The following CAAP1 variants were observed in gnomAD, a reference collection of about 807,000 sequenced individuals.
CAAP1 encodes caspase activity and apoptosis inhibitor 1.
CAAP1 carries 20 observed loss-of-function variants against 34.0 expected under a neutral mutation model. That is an observed-to-expected ratio of 0.59 (90% CI 0.41 to 0.86). CAAP1 has a LOEUF of 0.86. CAAP1 is among the 40% of genes least tolerant of loss of function. The pLI is 0.00. For synonymous variants in CAAP1, 213 were observed against 166.7 expected, an observed-to-expected ratio of 1.28 and a Z score of -2.14; for missense variants, 538 against 450.5, an observed-to-expected ratio of 1.19 and a Z score of -1.76.
intron 5 of CAAP1, among the ~76,000 whole-genome samples, chr9:26,849,962 G>A (rs904375963): frequency 8.6e-5 from 13 of 151,214 alleles, no homozygotes; most frequent in East Asian, 2.0e-4. Context: ...CCTCAGCCTC[G>A]CGAGTAGCTG....
intron 4 of CAAP1, chr9:26,869,841 A>T: frequency 2.4e-6 from 1 of 422,716 alleles, no homozygotes; most frequent in Non-Finnish European, 3.2e-6. Flanking sequence ...ATGAACAATT[A>T]ATAAAACAAA....
At chr9:26,891,808 C>T (rs1823909476) in intron 1 of CAAP1, among the ~76,000 whole-genome samples, 2 of 152,292 alleles carry the variant, frequency 1.3e-5, no homozygotes, top group South Asian at 2.1e-4. Context: ...AGGGACTTGA[C>T]GCTTTCCCTT....
intron 4 of CAAP1, among the ~76,000 whole-genome samples, chr9:26,867,908 G>A (rs553799463): frequency 1.3e-5 from 2 of 152,236 alleles, no homozygotes; most frequent in South Asian, 4.1e-4. Flanking sequence ...AGACTTCCAA[G>A]GGTCCTTGAC....
At chr9:26,849,666 T>A (rs1196153101) in intron 5 of CAAP1, among the ~76,000 whole-genome samples, 1 of 151,620 alleles carries the variant, frequency 6.6e-6, no homozygotes, top group Non-Finnish European at 1.5e-5. Flanking sequence ...CATGCATACA[T>A]CAAAACTGTT....
rs758038866 is a variant in CAAP1 at position 26,842,287 on chromosome 9, A to T, written c.*14T>A. ...TGTTCAAACATACCTAAAATTCAAA[A>T]TCAAGTTAAATACCTAGGCTGGCTT... is the stretch of plus-strand genomic sequence containing the variant. On this transcript the variant is annotated 3_prime_UTR_variant, in exon 6 of 6. Transcript: ENST00000333916. 2 of 1,529,784 alleles carry T rather than the reference A, an allele frequency of 1.3e-6. No homozygotes were observed. Among genetic ancestry groups the T allele is most frequent in the Non-Finnish European group, 1.8e-6 (2 of 1,141,342 alleles). The allele number at this position is 1,529,784 out of a possible 1,614,324, so 94.8% of individuals were successfully genotyped here.
intron 5 of CAAP1, among the ~76,000 whole-genome samples, chr9:26,847,281 C>G (rs1473104983): frequency 8.1e-6 from 1 of 124,064 alleles, no homozygotes; most frequent in East Asian, 2.5e-4. Flanking sequence ...GTGGCGCGAT[C>G]TCGGCTCACT....
At chr9:26,872,412 C>T (rs902561610) in intron 4 of CAAP1, among the ~76,000 whole-genome samples, 2 of 152,098 alleles carry the variant, frequency 1.3e-5, no homozygotes, top group Non-Finnish European at 2.9e-5. Flanking sequence ...CTAATAACTA[C>T]ATGACACCAA....
intron 5 of CAAP1, among the ~76,000 whole-genome samples, chr9:26,850,898 T>C (rs972421810): frequency 6.6e-6 from 1 of 152,230 alleles, no homozygotes; most frequent in South Asian, 2.1e-4. Context: ...AAAATGCAAA[T>C]GATTCAGTAA....
chr9:26,845,272 C>T (rs1259140841), intron 5 of CAAP1, among the ~76,000 whole-genome samples: 1 of 152,222 alleles, frequency 6.6e-6, no homozygotes, highest in Non-Finnish European at 1.5e-5. Context: ...TTGAATTATA[C>T]TCAGTTCATG....
At chr9:26,876,555 G>A (rs970343228) in intron 4 of CAAP1, among the ~76,000 whole-genome samples, 15 of 150,282 alleles carry the variant, frequency 1.0e-4, no homozygotes, top group African/African-American at 3.7e-4. Flanking sequence ...CCCTGTACAG[G>A]TGTATCATTT....
chr9:26,883,575 T>G (rs1823654211), intron 4 of CAAP1, among the ~76,000 whole-genome samples: 1 of 152,158 alleles, frequency 6.6e-6, no homozygotes, highest in South Asian at 2.1e-4. Flanking sequence ...GCAAAGCACT[T>G]AAGCCTAATG....
At chr9:26,858,996 C>CAAAAAAAAAA (rs397790530) in intron 5 of CAAP1, among the ~76,000 whole-genome samples, 1 of 65,534 alleles carries the variant, frequency 1.5e-5, no homozygotes, top group Non-Finnish European at 3.3e-5. Context: ...GAGACTGTCT[C>CAAAAAAAAAA]AAAAAAAAAA....
intron 4 of CAAP1, among the ~76,000 whole-genome samples, chr9:26,866,127 G>A (rs1219961749): frequency 9.2e-5 from 14 of 151,770 alleles, no homozygotes; most frequent in Non-Finnish European, 2.1e-4. Flanking sequence ...GATTACAAGC[G>A]TGAGCCACCA....
At chr9:26,870,933 G>C (rs1220783651) in intron 4 of CAAP1, among the ~76,000 whole-genome samples, 1 of 152,028 alleles carries the variant, frequency 6.6e-6, no homozygotes, top group Non-Finnish European at 1.5e-5. Context: ...CTATATTTTT[G>C]ATAAAAATAT....
At position 26,892,403 on chromosome 9, in the gene CAAP1, G is replaced by A; in HGVS notation, c.303+10C>T. 2 of 1,604,432 alleles carry A rather than the reference G, an allele frequency of 1.2e-6. No individual in the cohort carries two copies. Among genetic ancestry groups the A allele is most frequent in the South Asian group, 1.1e-5 (1 of 90,386 alleles). ...AGCTCCAGGAAGCGGCCAGAGGGGC[G>A]CGCACGCACCTGCTGCAAGGAGCCC... On this transcript the variant is annotated intron_variant, in intron 1 of 5. Coordinates refer to ENST00000333916, the MANE Select transcript of CAAP1 (RefSeq NM_024828.4).
chr9:26,857,567 G>A (rs1563881909), intron 5 of CAAP1, among the ~76,000 whole-genome samples: 1 of 152,290 alleles, frequency 6.6e-6, no homozygotes, highest in South Asian at 2.1e-4. Flanking sequence ...AAGAGATGGA[G>A]GTTACAGTGA....
At chr9:26,891,220 T>A (rs746855739) in intron 1 of CAAP1, among the ~76,000 whole-genome samples, 72 of 152,294 alleles carry the variant, frequency 4.7e-4, no homozygotes, top group Admixed American at 1.6e-3. Flanking sequence ...TACAGAAAAT[T>A]ACATAAGAAG....
At chr9:26,852,034 T>C (rs1020925594) in intron 5 of CAAP1, among the ~76,000 whole-genome samples, 2 of 152,148 alleles carry the variant, frequency 1.3e-5, no homozygotes, top group African/African-American at 4.8e-5. Flanking sequence ...TTTTAGATAA[T>C]GTAAAATTAT....
chr9:26,869,153 T>C (rs1301232707), intron 4 of CAAP1, among the ~76,000 whole-genome samples: 1 of 152,088 alleles, frequency 6.6e-6, no homozygotes, highest in East Asian at 1.9e-4. Context: ...CACTATTGTT[T>C]CTACTTTTCT....
Sources: allele counts gnomAD v4.1 joint callset (sites outside exome capture counted in the v4.1 genomes callset), GRCh38; gene constraint gnomAD v4.1.1; transcripts MANE v1.5; gene names NCBI Gene and HGNC (gene_info 2026-07-23, HGNC 2026-07-21).